MICAL2: variants seen among roughly 807,000 people sequenced by gnomAD.
The protein encoded by MICAL2 is microtubule associated monooxygenase, calponin and LIM domain containing 2, also known as [F-actin]-monooxygenase MICAL2.
A neutral mutation model predicts 127.3 loss-of-function variants in MICAL2; 77 were observed. The observed-to-expected ratio is 0.60, with a 90% CI of 0.50 to 0.73. The LOEUF (loss-of-function observed/expected upper bound fraction) is 0.73, where lower values mean the gene tolerates loss of function less well. Among genes scored for constraint, MICAL2 ranks in the 30% least tolerant of loss-of-function variants. MICAL2 has a pLI of 0.00. For synonymous variants in MICAL2, 570 were observed against 551.1 expected, an observed-to-expected ratio of 1.03 and a Z score of -0.48; for missense variants, 1,351 against 1,434.4, an observed-to-expected ratio of 0.94 and a Z score of 0.94.
chr11:12,118,055 G>C lies in MICAL2; in HGVS notation c.-149+7329G>C, dbSNP rs114777196. Among the ~76,000 whole-genome samples the C allele has an allele frequency of 5.9e-3, 897 of 152,278 alleles. 15 individuals are homozygous for C. Among genetic ancestry groups the C allele is most frequent in the African/African-American group, 0.02 (836 of 41,540 alleles). On this transcript the variant is annotated intron_variant, in intron 1 of 27. Transcript: ENST00000683283. ...CATTACTGTTGTGAAGGAGGAGTAG[G>C]AGGAAGCACTGTGTGAAATTTCAGG... is the stretch of plus-strand genomic sequence containing the variant.
chr11:12,111,318 C>T (rs962931708), intron 1 of MICAL2, among the ~76,000 whole-genome samples: 6 of 152,332 alleles, frequency 3.9e-5, no homozygotes, highest in Non-Finnish European at 7.4e-5. Context: ...CGCTCTGCAT[C>T]GCGTCTCCCG....
At chr11:12,252,848 T>C (rs1493959) in intron 22 of MICAL2, 105,121 of 152,088 alleles carry the variant, frequency 0.69, 36,713 homozygotes, top group Middle Eastern at 0.79. Flanking sequence ...AAGTTACTGT[T>C]ATTTGGTGTG....
chr11:12,116,145 T>G (rs1850003814), intron 1 of MICAL2, among the ~76,000 whole-genome samples: 1 of 826 alleles, frequency 1.2e-3, no homozygotes, highest in Admixed American at 0.036. Flanking sequence ...CCCAGCTAAT[T>G]TTTTTTGTAT....
chr11:12,162,124 G>T lies in MICAL2; in HGVS notation c.-32G>T, dbSNP rs374819656. The T allele has an allele frequency of 2.5e-6, 4 of 1,613,048 alleles. No individual in the cohort carries two copies. Among genetic ancestry groups the T allele is most frequent in the Non-Finnish European group, 2.5e-6 (3 of 1,179,712 alleles). ...CTTCATGCTGTTCACCTGTGTCCTC[G>T]CCGCACCACTGCCGCACACGACTCC... is the stretch of plus-strand genomic sequence containing the variant. On this transcript the variant is annotated 5_prime_UTR_variant, in exon 3 of 28. Coordinates refer to ENST00000683283, the MANE Select transcript of MICAL2 (RefSeq NM_001282663.2).
At chr11:12,134,604 G>A (rs1351782339) in intron 1 of MICAL2, among the ~76,000 whole-genome samples, 1 of 152,190 alleles carries the variant, frequency 6.6e-6, no homozygotes, top group African/African-American at 2.4e-5. Flanking sequence ...TTCTTCCTGG[G>A]TGGGATTTGG....
chr11:12,115,904 G>T lies in MICAL2; in HGVS notation c.-149+5178G>T, dbSNP rs114666987. 7.8e-3 allele frequency among the ~76,000 whole-genome samples: 1,184 copies of T among 151,896 alleles called. 12 individuals are homozygous for T. The highest frequency in any genetic ancestry group is 0.027 in the African/African-American group (1,113 of 41,428). The stretch of plus-strand genomic sequence containing the variant: ...CAGCACTATTGGGATTTCGATATTT[G>T]CTTGGATCATTATTTCCACGATGAA... On this transcript the variant is annotated intron_variant, in intron 1 of 27. Transcript: ENST00000683283.
intron 14 of MICAL2, among the ~76,000 whole-genome samples, chr11:12,226,601 C>G (rs1857488042): frequency 6.6e-6 from 1 of 150,918 alleles, no homozygotes; most frequent in African/African-American, 2.4e-5. Context: ...TTAGAGGGAC[C>G]TGGTTACAAT....
Position 12,209,121 on chromosome 11 carries a change from G to T in MICAL2, c.590-376G>T, listed in dbSNP as rs115640996. Among the ~76,000 whole-genome samples the T allele has an allele frequency of 8.5e-3, 1,288 of 152,256 alleles. 22 individuals carry two copies. The highest frequency in any genetic ancestry group is 0.028 in the African/African-American group (1,154 of 41,522). On this transcript the variant is annotated intron_variant, in intron 5 of 27. Coordinates refer to ENST00000683283, the MANE Select transcript of MICAL2 (RefSeq NM_001282663.2). ...TCCTTACACCCTACATATCCTTTTG[G>T]GTCTGTTTAGCAATGAGAGGCACTG... is the stretch of plus-strand genomic sequence containing the variant.
At chr11:12,168,081 T>C (rs1207542982) in intron 3 of MICAL2, among the ~76,000 whole-genome samples, 1 of 151,624 alleles carries the variant, frequency 6.6e-6, no homozygotes, top group Non-Finnish European at 1.5e-5. Context: ...CTGGGAGGAA[T>C]GCTCAGGGCC....
At chr11:12,295,108 A>T (rs71478996), downstream of MICAL2, among the ~76,000 whole-genome samples, 1,597 of 151,396 alleles carry the variant, frequency 0.011, 13 homozygotes, top group Non-Finnish European at 0.016. Context: ...TTTCCATAGG[A>T]ATATTTTTTA....
intron 18 of MICAL2, 93 bp downstream of exon 18, chr11:12,241,255 T>C (rs1183238427): frequency 6.8e-7 from 1 of 1,465,270 alleles, no homozygotes; most frequent in East Asian, 2.3e-5. Context: ...ACACCCCAAG[T>C]AGGGCTGATT....
chr11:12,349,130 G>A (rs987609181), intron 32 of MICAL2, among the ~76,000 whole-genome samples: 1 of 152,098 alleles, frequency 6.6e-6, no homozygotes, highest in Non-Finnish European at 1.5e-5. Flanking sequence ...ATATTCGAAA[G>A]CCACCTTTTA....
intron 2 of MICAL2, among the ~76,000 whole-genome samples, chr11:12,143,246 T>G (rs1289483549): frequency 6.6e-6 from 1 of 152,048 alleles, no homozygotes; most frequent in Admixed American, 6.5e-5. Context: ...AAGGGCCTGA[T>G]TTGGTGTTTA....
chr11:12,207,045 TAA>T (rs1854782074), intron 4 of MICAL2, among the ~76,000 whole-genome samples: 2 of 152,160 alleles, frequency 1.3e-5, no homozygotes, highest in African/African-American at 4.8e-5. Flanking sequence ...ACCTGTGTGC[TAA>T]AGAGATTTTC....
chr11:12,242,563 G>T, intron 19 of MICAL2, 108 bp from the exon 20 acceptor site: 1 of 1,418,994 alleles, frequency 7.0e-7, no homozygotes, highest in South Asian at 1.2e-5. Flanking sequence ...TGTGTGTGGT[G>T]AGCAGGCAAG....
intron 1 of MICAL2, among the ~76,000 whole-genome samples, chr11:12,280,543 C>G (rs1207614500): frequency 2.0e-5 from 3 of 152,180 alleles, no homozygotes; most frequent in African/African-American, 7.2e-5. Context: ...CCAGGCCTCC[C>G]TCTTTAGCTT....
intron 1 of MICAL2, among the ~76,000 whole-genome samples, chr11:12,136,271 G>A: frequency 6.6e-6 from 1 of 152,156 alleles, no homozygotes; most frequent in Non-Finnish European, 1.5e-5. Context: ...CAGGGAGTGA[G>A]CATGGGCGTG....
At chr11:12,133,556 A>G (rs1590020635) in intron 1 of MICAL2, among the ~76,000 whole-genome samples, 1 of 152,122 alleles carries the variant, frequency 6.6e-6, no homozygotes, top group Non-Finnish European at 1.5e-5. Flanking sequence ...GTTTAGCACA[A>G]TGCTTTGTGA....
chr11:12,357,739 G>A (rs1939150227), intron 34 of MICAL2, among the ~76,000 whole-genome samples: 1 of 152,148 alleles, frequency 6.6e-6, no homozygotes, highest in South Asian at 2.1e-4. Context: ...TCAGGAGGCT[G>A]AGGCAGGAGA....
Sources: allele counts gnomAD v4.1 joint callset (sites outside exome capture counted in the v4.1 genomes callset), GRCh38; gene constraint gnomAD v4.1.1; transcripts MANE v1.5; gene names NCBI Gene and HGNC (gene_info 2026-07-23, HGNC 2026-07-21).